Variants in PPP2R2C observed in about 807,000 individuals in gnomAD.
PPP2R2C encodes the protein protein phosphatase 2 regulatory subunit Bgamma.
A neutral mutation model predicts 45.3 loss-of-function variants in PPP2R2C; 10 were observed. The ratio of observed to expected loss-of-function variants is 0.22; its 90% CI spans 0.14 to 0.37. PPP2R2C has a LOEUF of 0.37. Ranked by LOEUF, PPP2R2C falls within the 10% of genes least tolerant of loss-of-function variation. The probability of loss-of-function intolerance (pLI) is 1.00; values close to 1 mark genes in which losing one functional copy is unlikely to be tolerated. For synonymous variants in PPP2R2C, 257 were observed against 245.4 expected (o/e 1.05, Z -0.44); for missense variants, 308 against 619.7 (o/e 0.50, Z 5.34).
chr4:6,516,557 T>C (rs1304709161), intron 2 of PPP2R2C, among the ~76,000 whole-genome samples: 1 of 152,182 alleles, frequency 6.6e-6, no homozygotes, highest in Non-Finnish European at 1.5e-5. Context: ...TGGGCAGTAC[T>C]GCCGGGCCCA....
chr4:6,381,533 A>G, intron 1 of PPP2R2C: 3 of 1,397,522 alleles, frequency 2.1e-6, no homozygotes, highest in Non-Finnish European at 1.9e-6. Flanking sequence ...GATAAGCGCA[A>G]GGCAACCCTC....
At chr4:6,561,572 A>AT (rs1308881834) in intron 1 of PPP2R2C, among the ~76,000 whole-genome samples, 4 of 151,996 alleles carry the variant, frequency 2.6e-5, no homozygotes, top group Admixed American at 2.0e-4. Flanking sequence ...TCATTTTGCA[A>AT]TTTTTTTATT....
chr4:6,354,475 C>T (rs1453503678), intron 5 of PPP2R2C, among the ~76,000 whole-genome samples: 2 of 152,192 alleles, frequency 1.3e-5, no homozygotes, highest in Non-Finnish European at 2.9e-5. Flanking sequence ...GCTCCACCTC[C>T]TGATTCACCT....
chr4:6,363,521 G>C (rs1714006602), intron 5 of PPP2R2C, among the ~76,000 whole-genome samples: 1 of 151,968 alleles, frequency 6.6e-6, no homozygotes, highest in African/African-American at 2.4e-5. Flanking sequence ...AGAGATTGCA[G>C]TGAGCCGAGA....
chr4:6,384,638 A>G, intron 1 of PPP2R2C: 1 of 985,476 alleles, frequency 1.0e-6, no homozygotes, highest in Non-Finnish European at 1.2e-6. Context: ...CAATATAACT[A>G]TTGCTATCCC....
chr4:6,557,484 G>A (rs1409452754), intron 1 of PPP2R2C, among the ~76,000 whole-genome samples: 2 of 152,214 alleles, frequency 1.3e-5, no homozygotes, highest in African/African-American at 4.8e-5. Flanking sequence ...GGGAGGCAAG[G>A]AAGGTCTCTG....
At chr4:6,562,962 C>CAAAAAAAAAAAAAAAAAAAAAAAAAAA (rs746793663) in intron 1 of PPP2R2C, among the ~76,000 whole-genome samples, 2 of 83,258 alleles carry the variant, frequency 2.4e-5, no homozygotes, top group African/African-American at 9.2e-5. Context: ...CCCTGCCAGC[C>CAAAAAAAAAAAAAAAAAAAAAAAAAAA]AAAAAAAAAA....
chr4:6,533,335 C>G (rs1398980604), intron 2 of PPP2R2C, among the ~76,000 whole-genome samples: 2 of 152,218 alleles, frequency 1.3e-5, no homozygotes, highest in Non-Finnish European at 2.9e-5. Flanking sequence ...GCCTCCCAGC[C>G]TCCCTCAAAC....
chr4:6,443,866 A>G (rs914161451), intron 1 of PPP2R2C, among the ~76,000 whole-genome samples: 7 of 151,608 alleles, frequency 4.6e-5, no homozygotes, highest in African/African-American at 1.7e-4. Flanking sequence ...CAGCCCACAC[A>G]GCCTCTCAGG....
intron 2 of PPP2R2C, among the ~76,000 whole-genome samples, chr4:6,499,029 C>T (rs138117263): frequency 8.6e-4 from 131 of 152,200 alleles, no homozygotes; most frequent in Admixed American, 2.3e-3. Flanking sequence ...CAGGGCAAAG[C>T]GGACCACACA....
In PPP2R2C at chr4:6,471,902, C is replaced by T. The variant is rs1028728737; in HGVS notation, c.70+258G>A. ...CTGGCTTGGGAGAGGAAAGCTGCCTCCCGGAGGGCGGCGCGGAGGAGGGCG... is the reference window on the plus strand; with the variant it reads ...CTGGCTTGGGAGAGGAAAGCTGCCTTCCGGAGGGCGGCGCGGAGGAGGGCG... On this transcript the variant is annotated intron_variant, in intron 1 of 8. Coordinates refer to ENST00000382599, the MANE Select transcript of PPP2R2C (RefSeq NM_020416.4). The surrounding 1 kb of genome is among the most constrained non-coding windows in gnomAD (Gnocchi z 5.6). 4.6e-5 allele frequency among the ~76,000 whole-genome samples: 7 copies of T among 151,782 alleles called. No individual in the cohort carries two copies. The South Asian group carries it at 1.0e-3, about 23-fold the overall frequency.
chr4:6,336,239 G>A (rs1006567152), intron 6 of PPP2R2C, among the ~76,000 whole-genome samples: 5 of 151,750 alleles, frequency 3.3e-5, no homozygotes, highest in African/African-American at 9.7e-5. Context: ...GCCTGCCTGC[G>A]ACCTCAATCT....
At chr4:6,440,042 C>A (rs1237488140) in intron 1 of PPP2R2C, among the ~76,000 whole-genome samples, 2 of 152,154 alleles carry the variant, frequency 1.3e-5, no homozygotes, top group African/African-American at 4.8e-5. Context: ...GTTCCCCATC[C>A]CTCCATCACT....
chr4:6,406,183 G>T lies in PPP2R2C; in HGVS notation c.71-25089C>A, dbSNP rs1298166106. Among the ~76,000 whole-genome samples, 8 of 152,188 alleles carry T rather than the reference G, an allele frequency of 5.3e-5. 1 individual carries two copies. The highest frequency in any genetic ancestry group is 5.2e-4 in the Admixed American group (8 of 15,290). On this transcript the variant is annotated intron_variant, in intron 1 of 8. Coordinates refer to ENST00000382599, the MANE Select transcript of PPP2R2C (RefSeq NM_020416.4). Reference sequence around the variant, plus strand: ...CTGCTGTCTTTGGGTTTGCCTTCCTGAATGTGTCTGATGTGCTTCTTCTTC... The same window carrying T: ...CTGCTGTCTTTGGGTTTGCCTTCCTTAATGTGTCTGATGTGCTTCTTCTTC...
In PPP2R2C at chr4:6,330,798, C is replaced by G. The variant is rs1342908768; in HGVS notation, c.961-1445G>C. ...GGGGAAGCAGGATTGGGAGGAAGGGCCTGCTATTCACTGCACACAGGATGG... is the reference window on the plus strand; with the variant it reads ...GGGGAAGCAGGATTGGGAGGAAGGGGCTGCTATTCACTGCACACAGGATGG... On this transcript the variant is annotated intron_variant, in intron 7 of 8. Transcript: ENST00000382599. This position sits in a 1 kb window ranked among gnomAD's most constrained non-coding sequence, Gnocchi z 7.0. Among the ~76,000 whole-genome samples the G allele has an allele frequency of 6.6e-6, 1 of 152,158 alleles. No homozygotes were observed. Among genetic ancestry groups the G allele is most frequent in the Non-Finnish European group, 1.5e-5 (1 of 68,034 alleles).
At chr4:6,398,968 C>A (rs192021929) in intron 1 of PPP2R2C, among the ~76,000 whole-genome samples, 84 of 152,312 alleles carry the variant, frequency 5.5e-4, no homozygotes, top group Middle Eastern at 3.4e-3. Flanking sequence ...AATACCCACA[C>A]TGAGTGAAAG....
chr4:6,489,462 CA>C, intron 2 of PPP2R2C, among the ~76,000 whole-genome samples: 1 of 152,262 alleles, frequency 6.6e-6, no homozygotes, highest in Non-Finnish European at 1.5e-5. Context: ...TAGCCCTCTC[CA>C]AAGCAGTATG....
chr4:6,563,620 C>T, upstream of PPP2R2C: 1 of 147,646 alleles, frequency 6.8e-6, no homozygotes, highest in Non-Finnish European at 1.5e-5. This position sits in a 1 kb window ranked among gnomAD's most constrained non-coding sequence, Gnocchi z 5.8. Context: ...GAGCCCTGGT[C>T]GGCGGCGGGC....
chr4:6,346,922 G>A (rs1192539740), intron 6 of PPP2R2C, among the ~76,000 whole-genome samples: 1 of 152,178 alleles, frequency 6.6e-6, no homozygotes, highest in African/African-American at 2.4e-5. Flanking sequence ...GACAGTGAGG[G>A]GAACCAGATA....
Sources: gnomAD v4.1 joint callset for allele counts (sites outside exome capture counted in the v4.1 genomes callset) on GRCh38, gnomAD v4.1.1 for gene constraint, Gnocchi (gnomAD v3.1) non-coding constraint, MANE v1.5 for transcripts, NCBI Gene and HGNC (gene_info 2026-07-23, HGNC 2026-07-21) for gene names.